Variants in SIK3 observed in about 807,000 individuals in gnomAD.
SIK3 encodes serine/threonine-protein kinase SIK3.
In SIK3, 28 loss-of-function variants were observed where a neutral mutation model predicts 144.2. The observed-to-expected ratio is 0.19, with a 90% CI of 0.14 to 0.27. The LOEUF (loss-of-function observed/expected upper bound fraction) is 0.27. Among genes scored for constraint, SIK3 ranks in the 10% least tolerant of loss-of-function variants. SIK3 has a pLI of 1.00. For synonymous variants in SIK3, 686 were observed against 676.3 expected, an observed-to-expected ratio of 1.01 and a Z score of -0.22; for missense variants, 1,319 against 1,776.0, an observed-to-expected ratio of 0.74 and a Z score of 4.62.
At chr11:117,024,771 T>C (rs1249566714) in intron 1 of SIK3, among the ~76,000 whole-genome samples, 1 of 152,006 alleles carries the variant, frequency 6.6e-6, no homozygotes, top group Non-Finnish European at 1.5e-5. Context: ...CGTGGTGGCA[T>C]GTGCCTGTAG....
At chr11:117,074,715 G>A (rs907644937) in intron 1 of SIK3, among the ~76,000 whole-genome samples, 3 of 152,040 alleles carry the variant, frequency 2.0e-5, no homozygotes, top group Non-Finnish European at 4.4e-5. Flanking sequence ...CTGAGGTCAG[G>A]AGTTTGGGAC....
chr11:116,967,003 CAA>C (rs780692335), intron 1 of SIK3, among the ~76,000 whole-genome samples: 2 of 100,138 alleles, frequency 2.0e-5, no homozygotes, highest in African/African-American at 4.8e-5. Flanking sequence ...GACTCTGTTT[CAA>C]AAAAAAAAAG....
intron 21 of SIK3, 126 bp downstream of exon 21, chr11:116,857,684 G>C (rs1943029453): frequency 7.0e-7 from 1 of 1,435,302 alleles, no homozygotes; most frequent in Admixed American, 2.9e-5. Context: ...TCCCCAAGAA[G>C]GTCGTGAAGC....
chr11:116,946,816 T>TA (rs1948614026), intron 3 of SIK3, among the ~76,000 whole-genome samples: 1 of 152,096 alleles, frequency 6.6e-6, no homozygotes, highest in Non-Finnish European at 1.5e-5. Context: ...TGCCATTTTA[T>TA]TAATATTTCC....
chr11:116,881,956 GAATACA>G (rs113001999), intron 6 of SIK3, among the ~76,000 whole-genome samples: 13,089 of 152,170 alleles, frequency 0.086, 752 homozygotes, highest in African/African-American at 0.16. Flanking sequence ...GGCCAAAGCA[GAATACA>G]AATTCTGGTC....
chr11:116,852,407 T>G (rs1242857851), intron 21 of SIK3, among the ~76,000 whole-genome samples: 2 of 152,150 alleles, frequency 1.3e-5, no homozygotes, highest in Admixed American at 6.5e-5. Context: ...AGCCCAGAGC[T>G]CATCCCTCAG....
At chr11:116,940,753 T>C (rs1011472911) in intron 3 of SIK3, among the ~76,000 whole-genome samples, 3 of 148,452 alleles carry the variant, frequency 2.0e-5, no homozygotes, top group African/African-American at 7.5e-5. Flanking sequence ...CCTTCATCCA[T>C]GCATCTCTCC....
intron 1 of SIK3, among the ~76,000 whole-genome samples, chr11:117,059,051 T>G (rs1250194579): frequency 1.3e-5 from 2 of 152,084 alleles, no homozygotes; most frequent in African/African-American, 4.8e-5. Context: ...GCGGCCTCAG[T>G]GAAATGAGAA....
At chr11:117,056,608 A>G (rs1179527157) in intron 1 of SIK3, among the ~76,000 whole-genome samples, 2 of 150,280 alleles carry the variant, frequency 1.3e-5, no homozygotes, top group Non-Finnish European at 3.0e-5. Context: ...TAAAGTCCCC[A>G]AGAAGAAGTG....
At chr11:116,958,594 A>C (rs781341731) in intron 1 of SIK3, among the ~76,000 whole-genome samples, 8 of 151,914 alleles carry the variant, frequency 5.3e-5, no homozygotes, top group Non-Finnish European at 1.0e-4. Flanking sequence ...AACAACAGAC[A>C]GAGGATGGTG....
chr11:117,011,023 C>T (rs1004473217), intron 1 of SIK3, among the ~76,000 whole-genome samples: 1 of 152,054 alleles, frequency 6.6e-6, no homozygotes, highest in Admixed American at 6.6e-5. Flanking sequence ...AGGAGGCTGA[C>T]GTGGGAGGAT....
rs751065443 is a variant in SIK3 at position 116,917,822 on chromosome 11, A to AGGAG, written c.616+9396_616+9397insCTCC. Among the ~76,000 whole-genome samples the AGGAG allele has an allele frequency of 3.5e-5, 5 of 141,786 alleles. No homozygotes were observed. In the Admixed American group the frequency reaches 3.6e-4, roughly 10 times the overall value. 93.0% of individuals were successfully genotyped at this position (141,786 alleles called of 152,430 possible). On this transcript the variant is annotated intron_variant, in intron 4 of 24. Transcript: ENST00000445177. ...CAAGAGAGGAAGGAAAGAAGGAAGA[A>AGGAG]GAAGGAAGGAAAGGAAAGGAAAGGA...
rs761357575 is a variant in SIK3, at chr11:116,858,297, T to TTGCTGC, written c.3162_3167dup (p.Gln1060_Gln1061dup). On this transcript the variant is annotated inframe_insertion, in exon 21 of 25. Coordinates refer to ENST00000445177, the MANE Select transcript of SIK3 (RefSeq NM_001366686.3). This position sits in a 1 kb window ranked among gnomAD's most constrained non-coding sequence, Gnocchi z 5.4. ...CCTGGTATTCTTGCTGTTGCTGCTG[T>TTGCTGC]TGCTGCTGCTGCTGCCGTTGTTGCT... 12 of 1,612,094 alleles carry TTGCTGC rather than the reference T, an allele frequency of 7.4e-6. No individual in the cohort carries two copies. Among genetic ancestry groups the TTGCTGC allele is most frequent in the East Asian group, 2.2e-5 (1 of 44,846 alleles).
chr11:116,878,725 C>G (rs1272171979), intron 6 of SIK3, among the ~76,000 whole-genome samples: 4 of 152,188 alleles, frequency 2.6e-5, no homozygotes, highest in Non-Finnish European at 4.4e-5. Flanking sequence ...ATGCACATTT[C>G]TAGTTTTTGC....
intron 4 of SIK3, among the ~76,000 whole-genome samples, chr11:116,902,090 C>A (rs576570741): frequency 6.6e-6 from 1 of 152,170 alleles, no homozygotes; most frequent in African/African-American, 2.4e-5. Context: ...AGGAGAAATG[C>A]GAATGATTCT....
chr11:117,066,320 G>A (rs1267532545), intron 1 of SIK3, among the ~76,000 whole-genome samples: 8 of 151,458 alleles, frequency 5.3e-5, no homozygotes, highest in African/African-American at 1.2e-4. Context: ...CACCCAACTC[G>A]GCCTCCCAAA....
At chr11:116,987,127 T>C (rs764386616) in intron 1 of SIK3, among the ~76,000 whole-genome samples, 8 of 152,156 alleles carry the variant, frequency 5.3e-5, no homozygotes, top group Non-Finnish European at 1.0e-4. Flanking sequence ...ATGTGCATTT[T>C]ACCACAAAAC....
At chr11:116,971,361 T>C (rs1036852547) in intron 1 of SIK3, among the ~76,000 whole-genome samples, 1 of 152,198 alleles carries the variant, frequency 6.6e-6, no homozygotes, top group African/African-American at 2.4e-5. Context: ...CATAATCCAA[T>C]GTCAGCCAAA....
intron 1 of SIK3, among the ~76,000 whole-genome samples, chr11:117,020,246 T>TATATATATATATATATATATATACAC: frequency 5.3e-4 from 67 of 127,280 alleles, no homozygotes; most frequent in African/African-American, 2.1e-3. Flanking sequence ...CATATATATA[T>TATATATATATATATATATATATACAC]ACACATACAT....
Sources: gnomAD v4.1 joint callset for allele counts (sites outside exome capture counted in the v4.1 genomes callset) on GRCh38, gnomAD v4.1.1 for gene constraint, Gnocchi (gnomAD v3.1) non-coding constraint, MANE v1.5 for transcripts, NCBI Gene and HGNC (gene_info 2026-07-23, HGNC 2026-07-21) for gene names.